KIAA0930: variants seen among roughly 807,000 people sequenced by gnomAD.
KIAA0930 encodes uncharacterized protein KIAA0930.
A neutral mutation model predicts 43.9 loss-of-function variants in KIAA0930; 24 were observed. The ratio of observed to expected loss-of-function variants is 0.55; its 90% CI spans 0.40 to 0.77. The LOEUF is 0.77. Among genes scored for constraint, KIAA0930 ranks in the 30% least tolerant of loss-of-function variants. The pLI, the probability that KIAA0930 is intolerant of heterozygous loss-of-function variation, is 0.00. For missense variants in KIAA0930, 461 were observed against 574.2 expected, an observed-to-expected ratio of 0.80 and a Z score of 2.02; for synonymous variants, 259 against 216.4, an observed-to-expected ratio of 1.20 and a Z score of -1.73.
chr22:45,239,304 A>G (rs2083903936), intron 1 of KIAA0930, among the ~76,000 whole-genome samples: 1 of 152,256 alleles, frequency 6.6e-6, no homozygotes, highest in Admixed American at 6.5e-5. Flanking sequence ...GTAGGTGCTC[A>G]ATGAATGTTT....
At position 45,193,859 on chromosome 22, in the gene KIAA0930, G is replaced by A. The variant is rs953023920; in HGVS notation, c.*3317C>T. On this transcript the variant is annotated 3_prime_UTR_variant, in exon 10 of 10. Transcript: ENST00000336156. ...TGCCAAAAGAAGAAAGGGTATAAAC[G>A]GAGACCACCTATCACTCATCAGAAC... The A allele has an allele frequency of 1.3e-5, 2 of 152,002 alleles. No homozygotes were observed. Among genetic ancestry groups the A allele is most frequent in the Admixed American group, 1.3e-4 (2 of 15,258 alleles). 9.4% of individuals were successfully genotyped at this position (152,002 alleles called of 1,614,324 possible).
Position 45,193,435 on chromosome 22 carries a change from A to G in KIAA0930, c.*3741T>C, listed in dbSNP as rs889337957. On this transcript the variant is annotated 3_prime_UTR_variant, in exon 10 of 10. Transcript: ENST00000336156. ...CTGGGACATCTTTTAATGAAAAAAAAAAGTTTTACTTTGTTCTTCAAAAGT... is the reference window on the plus strand; with the variant it reads ...CTGGGACATCTTTTAATGAAAAAAAGAAGTTTTACTTTGTTCTTCAAAAGT... 1.3e-5 allele frequency: 2 copies of G among 152,222 alleles called. No homozygotes were observed. The highest frequency in any genetic ancestry group is 2.9e-5 in the Non-Finnish European group (2 of 68,044). The allele number at this position is 152,222 out of a possible 1,614,324, so 9.4% of individuals were successfully genotyped here. A position where few individuals can be genotyped will look rare whatever the true frequency, so the allele number is the denominator to read the frequency against.
At chr22:45,235,892 C>T (rs1459721987) in intron 1 of KIAA0930, among the ~76,000 whole-genome samples, 2 of 152,226 alleles carry the variant, frequency 1.3e-5, no homozygotes, top group Admixed American at 6.5e-5. Context: ...CCCCCCGGCC[C>T]CCATCACTTA....
chr22:45,211,883 A>G (rs2147748761), intron 2 of KIAA0930, 73 bp downstream of exon 2: 1 of 1,475,908 alleles, frequency 6.8e-7, no homozygotes, highest in Non-Finnish European at 9.2e-7. Flanking sequence ...GAAAGCCCAC[A>G]TGTACACCGA....
intron 1 of KIAA0930, among the ~76,000 whole-genome samples, chr22:45,224,865 T>C (rs1429580020): frequency 1.3e-5 from 2 of 152,026 alleles, no homozygotes; most frequent in African/African-American, 4.8e-5. Flanking sequence ...CCCTCTTCCC[T>C]GGGTCAGGGG....
chr22:45,237,367 C>G (rs959336138), intron 1 of KIAA0930, among the ~76,000 whole-genome samples: 1 of 146,690 alleles, frequency 6.8e-6, no homozygotes, highest in Non-Finnish European at 1.6e-5. Flanking sequence ...CTCCCGCCCC[C>G]TCTCAGTACA....
chr22:45,198,012 C>A, intron 8 of KIAA0930, 64 bp from the exon 9 acceptor site: 1 of 1,541,682 alleles, frequency 6.5e-7, no homozygotes, highest in Non-Finnish European at 8.9e-7. Context: ...CAGCAGGAGG[C>A]CAGCTCCCAG....
intron 1 of KIAA0930, among the ~76,000 whole-genome samples, chr22:45,223,431 C>T (rs1188667502): frequency 6.6e-6 from 1 of 152,230 alleles, no homozygotes; most frequent in African/African-American, 2.4e-5. Context: ...GGTCATGTGA[C>T]AGACAAATCC....
intron 6 of KIAA0930, 57 bp from the exon 7 acceptor site, chr22:45,203,241 C>T (rs1395242912): frequency 1.5e-5 from 22 of 1,515,124 alleles, no homozygotes; most frequent in Non-Finnish European, 1.8e-5. Context: ...TCCATGGGGC[C>T]CCTCCCCAGG....
At position 45,203,932 on chromosome 22, in the gene KIAA0930, C is replaced by T; in HGVS notation, c.570G>A (p.Val190=). ...GGAACGTGTTGGTTTTGTCACTAGCCACCAGCTCCACACAGACCATCTCTC... is the reference window on the plus strand; with the variant it reads ...GGAACGTGTTGGTTTTGTCACTAGCTACCAGCTCCACACAGACCATCTCTC... ...GEGEMVCVEL[V]ASDKTNTFQG... Residue 190 remains valine, a synonymous_variant, in exon 6 of 10, where the codon GTG becomes GTA. Coordinates refer to ENST00000336156, the MANE Select transcript of KIAA0930 (RefSeq NM_001009880.2). 1.2e-6 allele frequency: 2 copies of T among 1,613,794 alleles called. No individual in the cohort carries two copies. The highest frequency in any genetic ancestry group is 1.7e-6 in the Non-Finnish European group (2 of 1,179,902).
Position 45,210,826 on chromosome 22 carries a change from C to CT in KIAA0930, c.216+1129_216+1130insA, listed in dbSNP as rs1555898917. Among the ~76,000 whole-genome samples, 443 of 150,860 alleles carry CT rather than the reference C, an allele frequency of 2.9e-3. 2 individuals carry two copies. The highest frequency in any genetic ancestry group is 6.5e-3 in the South Asian group (31 of 4,774). On this transcript the variant is annotated intron_variant, in intron 2 of 9. Coordinates refer to ENST00000336156, the MANE Select transcript of KIAA0930 (RefSeq NM_001009880.2). ...AGTGTGGCTCTAGTCCCTGCACACC[C>CT]GCCACTGAAACTGCTGCGCCAAGGC...
rs748551589 is a variant in KIAA0930, at chr22:45,210,918, C to T, written c.216+1038G>A. Among the ~76,000 whole-genome samples, 5 of 152,220 alleles carry T rather than the reference C, an allele frequency of 3.3e-5. No homozygotes were observed. The South Asian group carries it at 1.0e-3, about 31-fold the overall frequency. ...CACTGCACCCCACTGGCTGCACCCACGTCTCCAGACCTCCCCTCTTGGGGT... is the reference window on the plus strand; with the variant it reads ...CACTGCACCCCACTGGCTGCACCCATGTCTCCAGACCTCCCCTCTTGGGGT... On this transcript the variant is annotated intron_variant, in intron 2 of 9. Transcript: ENST00000336156.
rs773916158 is a variant in KIAA0930, at chr22:45,211,942, C to A, written c.216+14G>T. On this transcript the variant is annotated intron_variant, in intron 2 of 9. Transcript: ENST00000336156. ...GGGGCACAGACGCAGGGGCAGGGGC[C>A]GGGGGTCACTCACCTTCCTCCCGTC... The A allele has an allele frequency of 6.2e-7, 1 of 1,607,424 alleles. No individual in the cohort carries two copies. Among genetic ancestry groups the A allele is most frequent in the Non-Finnish European group, 8.5e-7 (1 of 1,179,502 alleles).
chr22:45,208,084 G>C (rs956191436), intron 2 of KIAA0930, among the ~76,000 whole-genome samples: 31 of 152,102 alleles, frequency 2.0e-4, no homozygotes, highest in Non-Finnish European at 7.4e-5. Flanking sequence ...AAAGGTGTCC[G>C]TGTGCGCACC....
intron 1 of KIAA0930, among the ~76,000 whole-genome samples, chr22:45,224,394 A>T (rs540634378): frequency 6.6e-6 from 1 of 152,342 alleles, no homozygotes; most frequent in South Asian, 2.1e-4. Context: ...AAATACACCC[A>T]GGGCTGCCTG....
At chr22:45,197,306 C>A in intron 9 of KIAA0930, 90 bp from the exon 10 acceptor site, 1 of 1,172,202 alleles carries the variant, frequency 8.5e-7, no homozygotes, top group Non-Finnish European at 1.2e-6. Flanking sequence ...TGAAGGAAGC[C>A]CGCCTCAGCC....
At chr22:45,234,252 G>A (rs958579616) in intron 1 of KIAA0930, among the ~76,000 whole-genome samples, 4 of 152,204 alleles carry the variant, frequency 2.6e-5, no homozygotes, top group African/African-American at 4.8e-5. Context: ...CCTGGCCTGT[G>A]CTCAGGGCTC....
intron 1 of KIAA0930, among the ~76,000 whole-genome samples, 161 bp downstream of exon 1, chr22:45,240,479 G>T (rs1030538810): frequency 6.6e-6 from 1 of 152,072 alleles, no homozygotes; most frequent in Non-Finnish European, 1.5e-5. Context: ...GACGGTGGGG[G>T]GGGGGCCATG....
Position 45,203,189 on chromosome 22 carries a change from G to A in KIAA0930, c.658-5C>T. The A allele has an allele frequency of 6.3e-7, 1 of 1,588,644 alleles. No homozygotes were observed. The highest frequency in any genetic ancestry group is 1.7e-5 in the Admixed American group (1 of 58,346). ...CATGCGGGCGGCCACGCTCACCTGG[G>A]GGCCGGCGCGGGGCAGCCTGAGTCA... On this transcript the variant is annotated splice_region_variant and splice_polypyrimidine_tract_variant and intron_variant, in intron 6 of 9. Transcript: ENST00000336156.
Sources: allele counts gnomAD v4.1 joint callset (sites outside exome capture counted in the v4.1 genomes callset), GRCh38; gene constraint gnomAD v4.1.1; transcripts MANE v1.5; gene names NCBI Gene and HGNC (gene_info 2026-07-23, HGNC 2026-07-21).